The following KIF3C variants were observed in gnomAD, a reference collection of about 807,000 sequenced individuals.
KIF3C encodes the protein kinesin family member 3C.
Under a neutral mutation model 67.7 loss-of-function variants are expected in KIF3C, and 12 were observed. That is an observed-to-expected ratio of 0.18 (90% CI 0.11 to 0.29). The LOEUF (loss-of-function observed/expected upper bound fraction) is 0.29, where lower values mean the gene tolerates loss of function less well. KIF3C is among the 10% of genes least tolerant of loss of function. KIF3C has a pLI of 1.00. For synonymous variants in KIF3C, 393 were observed against 426.2 expected, an observed-to-expected ratio of 0.92 and a Z score of 0.96; for missense variants, 789 against 1,059.6, an observed-to-expected ratio of 0.74 and a Z score of 3.55.
rs1664653020 is a variant in KIF3C, at chr2:25,982,484, TGAGA to T, written c.-571_-568del. ...CTTCCCCGCCGCCGCCACTGGAGAA[TGAGA>T]GAGAAAAACAGAAGGGGATGGGGCG... On this transcript the variant is annotated 5_prime_UTR_variant, in exon 1 of 8. Transcript: ENST00000264712. 2.5e-6 allele frequency: 1 copy of T among 397,814 alleles called. No individual in the cohort carries two copies. Among genetic ancestry groups the T allele is most frequent in the Non-Finnish European group, 4.4e-6 (1 of 225,740 alleles). 24.6% of individuals were successfully genotyped at this position (397,814 alleles called of 1,614,324 possible). A position where few individuals can be genotyped will look rare whatever the true frequency, so the allele number is the denominator to read the frequency against.
intron 1 of KIF3C, among the ~76,000 whole-genome samples, chr2:25,963,191 TA>T (rs1664047755): frequency 3.6e-5 from 2 of 56,288 alleles, no homozygotes; most frequent in African/African-American, 2.5e-4. Flanking sequence ...TATATATATA[TA>T]TATATTTTTT....
Position 25,981,407 on chromosome 2 carries a change from G to T in KIF3C, c.511C>A (p.Pro171Thr). The change falls in exon 1 of 8, where the codon CCC (proline) becomes ACC (threonine). Residue 171 changes from proline to threonine, a missense_variant. Transcript: ENST00000264712. The surrounding 1 kb of genome is among the most constrained non-coding windows in gnomAD (Gnocchi z 8.2). ...PGKRLELKEN[P>T]ETGVYIKDLS... The stretch of plus-strand genomic sequence containing the variant: ...TCCTTGATGTAGACGCCAGTCTCGG[G>T]GTTCTCTTTCAGCTCTAGCCTCTTG... 1.2e-6 allele frequency: 2 copies of T among 1,614,184 alleles called. 1 individual carries two copies. Among genetic ancestry groups the T allele is most frequent in the South Asian group, 2.2e-5 (2 of 91,086 alleles).
At chr2:25,978,893 C>T (rs1365813000) in intron 1 of KIF3C, among the ~76,000 whole-genome samples, 2 of 152,082 alleles carry the variant, frequency 1.3e-5, no homozygotes, top group Non-Finnish European at 2.9e-5. Context: ...CTAAAGGTTC[C>T]AGGCCCCTGA....
chr2:25,965,637 T>C (rs1664122506), intron 1 of KIF3C, among the ~76,000 whole-genome samples: 1 of 151,388 alleles, frequency 6.6e-6, no homozygotes, highest in Non-Finnish European at 1.5e-5. Flanking sequence ...TAGAGATCTC[T>C]ATCCTTAACC....
At chr2:25,937,988 G>A (rs777961150) in intron 5 of KIF3C, among the ~76,000 whole-genome samples, 182 of 152,138 alleles carry the variant, frequency 1.2e-3, no homozygotes, top group Non-Finnish European at 1.1e-3. Context: ...CTGGGAGGCG[G>A]AGGTTGAGTG....
At chr2:25,952,381 G>C (rs538299645) in intron 4 of KIF3C, among the ~76,000 whole-genome samples, 2 of 152,122 alleles carry the variant, frequency 1.3e-5, no homozygotes, top group South Asian at 4.2e-4. Flanking sequence ...AAATCAAGAA[G>C]TTAAGGGGAA....
At chr2:25,934,665 T>C (rs189342770) in intron 5 of KIF3C, among the ~76,000 whole-genome samples, 2 of 152,226 alleles carry the variant, frequency 1.3e-5, no homozygotes, top group East Asian at 3.9e-4. Flanking sequence ...TCCACTACAT[T>C]ATTAAGCAGT....
intron 1 of KIF3C, among the ~76,000 whole-genome samples, chr2:25,968,975 C>T (rs1559557018): frequency 6.6e-6 from 1 of 152,122 alleles, no homozygotes; most frequent in Non-Finnish European, 1.5e-5. Context: ...AGGCGTGTGC[C>T]ACCACACCCA....
chr2:25,964,653 T>G (rs539502792), intron 1 of KIF3C, among the ~76,000 whole-genome samples: 7 of 152,232 alleles, frequency 4.6e-5, no homozygotes, highest in African/African-American at 1.7e-4. Context: ...GATTTTCAAG[T>G]GAAGAGATGG....
chr2:25,937,259 G>A (rs148634668), intron 5 of KIF3C, among the ~76,000 whole-genome samples: 65 of 152,364 alleles, frequency 4.3e-4, no homozygotes, highest in African/African-American at 1.5e-3. Flanking sequence ...AGAACAAGCT[G>A]TGCAGGGGCC....
intron 5 of KIF3C, among the ~76,000 whole-genome samples, chr2:25,943,763 G>T (rs926495314): frequency 2.0e-5 from 3 of 152,012 alleles, no homozygotes; most frequent in African/African-American, 7.2e-5. Context: ...TACTCGGGAG[G>T]CGGAGGCAAG....
chr2:25,947,515 A>G (rs1316130095), intron 5 of KIF3C, among the ~76,000 whole-genome samples: 1 of 151,774 alleles, frequency 6.6e-6, no homozygotes, highest in South Asian at 2.1e-4. Context: ...CGGGAGGTGG[A>G]GCTTGCAGTG....
chr2:25,954,232 T>C lies in KIF3C; in HGVS notation c.1889+35A>G, dbSNP rs1315884337. On this transcript the variant is annotated intron_variant, in intron 4 of 7. Transcript: ENST00000264712. ...AGGCCTGAGTAATGATGGCTGGCTGTGGGGACCCGGGATGAAAAGAGCTGC... is the reference window on the plus strand; with the variant it reads ...AGGCCTGAGTAATGATGGCTGGCTGCGGGGACCCGGGATGAAAAGAGCTGC... 6.0e-6 allele frequency: 9 copies of C among 1,492,484 alleles called. No homozygotes were observed. In the South Asian group the frequency reaches 1.0e-4, roughly 17 times the overall value. The allele number at this position is 1,492,484 out of a possible 1,614,324, so 92.5% of individuals were successfully genotyped here.
intron 1 of KIF3C, among the ~76,000 whole-genome samples, chr2:25,959,682 C>T (rs1030021872): frequency 4.6e-5 from 7 of 152,088 alleles, no homozygotes; most frequent in East Asian, 3.9e-4. Context: ...TCAAGTGATC[C>T]GCCTGCCTCA....
chr2:25,935,435 T>C (rs1329783626), intron 5 of KIF3C, among the ~76,000 whole-genome samples: 1 of 152,056 alleles, frequency 6.6e-6, no homozygotes, highest in African/African-American at 2.4e-5. Context: ...GGCAACATCA[T>C]AGCTCACTGC....
chr2:25,976,994 T>C (rs1414727690), intron 1 of KIF3C, among the ~76,000 whole-genome samples: 1 of 152,108 alleles, frequency 6.6e-6, no homozygotes, highest in Non-Finnish European at 1.5e-5. Flanking sequence ...CTCACAGGCC[T>C]AGTATGTTAT....
chr2:25,929,188 C>A, intron 7 of KIF3C, 117 bp from the exon 8 acceptor site: 2 of 1,396,136 alleles, frequency 1.4e-6, no homozygotes, highest in South Asian at 1.2e-5. Flanking sequence ...CATCCCCAGT[C>A]ACCCCTTGCC....
At chr2:25,934,264 TC>T in intron 5 of KIF3C, 5 of 447,438 alleles carry the variant, frequency 1.1e-5, no homozygotes, top group South Asian at 8.4e-5. Flanking sequence ...GTTCAGGGTT[TC>T]TTTTTGGAGT....
At chr2:25,959,946 T>C (rs1317078410) in intron 1 of KIF3C, among the ~76,000 whole-genome samples, 1 of 152,234 alleles carries the variant, frequency 6.6e-6, no homozygotes, top group Non-Finnish European at 1.5e-5. Flanking sequence ...AGGAGCCTGC[T>C]GTCTGGCCTG....
Sources: gnomAD v4.1 joint callset for allele counts (sites outside exome capture counted in the v4.1 genomes callset) on GRCh38, gnomAD v4.1.1 for gene constraint, Gnocchi (gnomAD v3.1) non-coding constraint, MANE v1.5 for transcripts, NCBI Gene and HGNC (gene_info 2026-07-23, HGNC 2026-07-21) for gene names.